RHD: variants seen among roughly 807,000 people sequenced by gnomAD.
The protein encoded by RHD is blood group Rh(D) polypeptide.
RHD carries 16 observed loss-of-function variants against 45.5 expected under a neutral mutation model. The ratio of observed to expected loss-of-function variants is 0.35; its 90% CI spans 0.24 to 0.53. The LOEUF (loss-of-function observed/expected upper bound fraction) is 0.53, where lower values mean the gene tolerates loss of function less well. Among genes scored for constraint, RHD ranks in the 20% least tolerant of loss-of-function variants. The probability of loss-of-function intolerance (pLI) is 0.92; values close to 1 mark genes in which losing one functional copy is unlikely to be tolerated. For missense variants in RHD, 306 were observed against 532.0 expected (o/e 0.58, Z 4.18); for synonymous variants, 131 against 217.5 (o/e 0.60, Z 3.50).
chr1:25,287,147 A>G (rs532072917), intron 2 of RHD, among the ~76,000 whole-genome samples: 1 of 135,380 alleles, frequency 7.4e-6, no homozygotes, highest in East Asian at 1.9e-4. Context: ...AGAATTCAAT[A>G]CACACACGCA....
chr1:25,315,477 A>C (rs1374481805), intron 7 of RHD, among the ~76,000 whole-genome samples: 2 of 124,592 alleles, frequency 1.6e-5, no homozygotes, highest in East Asian at 3.9e-4. Flanking sequence ...TTATCTTTTT[A>C]ATTTATTTTT....
intron 3 of RHD, among the ~76,000 whole-genome samples, chr1:25,299,086 A>AAC (rs1643174783): frequency 7.9e-6 from 1 of 126,418 alleles, no homozygotes. Context: ...AAAAAAAAAA[A>AAC]AAAAAAAAAA....
intron 1 of RHD, among the ~76,000 whole-genome samples, chr1:25,277,575 T>C (rs1259178595): frequency 2.3e-5 from 3 of 130,764 alleles, no homozygotes; most frequent in Non-Finnish European, 1.8e-5. Flanking sequence ...AACCTCTTTC[T>C]GCCTCTGTTT....
At chr1:25,286,892 A>T (rs2124630603) in intron 2 of RHD, among the ~76,000 whole-genome samples, 1 of 134,694 alleles carries the variant, frequency 7.4e-6, no homozygotes, top group East Asian at 1.9e-4. Flanking sequence ...CAGGAGTCCG[A>T]GACCAACCTG....
At chr1:25,281,140 C>G (rs1641458972) in intron 1 of RHD, among the ~76,000 whole-genome samples, 1 of 132,616 alleles carries the variant, frequency 7.5e-6, no homozygotes, top group African/African-American at 2.6e-5. Flanking sequence ...GAGCTAGAGA[C>G]AGCCTAGCCT....
chr1:25,307,709 T>C lies in RHD; in HGVS notation c.1073+980T>C, dbSNP rs1348184493. 2.3e-6 allele frequency: 3 copies of C among 1,308,580 alleles called. 1 individual carries two copies. The Admixed American group carries it at 6.3e-5, about 28-fold the overall frequency. The allele number at this position is 1,308,580 out of a possible 1,614,324, so 81.1% of individuals were successfully genotyped here. On this transcript the variant is annotated intron_variant, in intron 7 of 9. Coordinates refer to ENST00000328664, the MANE Select transcript of RHD (RefSeq NM_016124.6). ...GCAGGTGATGAGGAGCTGATGCGTT[T>C]GGACGTGTCTCAGAGAAATCATGGA... is the stretch of plus-strand genomic sequence containing the variant.
intron 7 of RHD, among the ~76,000 whole-genome samples, chr1:25,311,089 A>G (rs1238882820): frequency 7.5e-6 from 1 of 132,846 alleles, no homozygotes; most frequent in Non-Finnish European, 1.8e-5. Context: ...CTTAATGGTT[A>G]CTGAAGTCGT....
rs1274868595 is a variant in RHD, at chr1:25,310,790, G to A, written c.1073+4061G>A. Reference sequence around the variant, plus strand: ...AGTTCGAGACCAGCCTAGCTAACATGGTGAAACGCTGTTTCTACCAAAAAT... The same window carrying A: ...AGTTCGAGACCAGCCTAGCTAACATAGTGAAACGCTGTTTCTACCAAAAAT... On this transcript the variant is annotated intron_variant, in intron 7 of 9. Coordinates refer to ENST00000328664, the MANE Select transcript of RHD (RefSeq NM_016124.6). Among the ~76,000 whole-genome samples, 2 of 131,968 alleles carry A rather than the reference G, an allele frequency of 1.5e-5. 1 individual carries two copies. Among genetic ancestry groups the A allele is most frequent in the Non-Finnish European group, 3.6e-5 (2 of 55,626 alleles). The allele number at this position is 131,968 out of a possible 152,430, so 86.6% of individuals were successfully genotyped here. A position where few individuals can be genotyped will look rare whatever the true frequency, so the allele number is the denominator to read the frequency against.
In RHD at chr1:25,287,927, G is replaced by A. The variant is rs539482397; in HGVS notation, c.336-2714G>A. ...TAGTAGACAAGGGGTTTCACCAGGT[G>A]GGTCAGGTTGGTCTGGAACTCCCGA... On this transcript the variant is annotated intron_variant, in intron 2 of 9. Transcript: ENST00000328664. Among the ~76,000 whole-genome samples, 39 of 131,776 alleles carry A rather than the reference G, an allele frequency of 3.0e-4. 7 individuals carry two copies. The highest frequency in any genetic ancestry group is 9.6e-4 in the African/African-American group (37 of 38,726). 86.5% of individuals were successfully genotyped at this position (131,776 alleles called of 152,430 possible). A position where few individuals can be genotyped will look rare whatever the true frequency, so the allele number is the denominator to read the frequency against.
rs560741618 is a variant in RHD, at chr1:25,291,020, G to A, written c.486+229G>A. Among the ~76,000 whole-genome samples, 18 of 131,610 alleles carry A rather than the reference G, an allele frequency of 1.4e-4. 2 individuals are homozygous for A. In the South Asian group the frequency reaches 4.0e-3, roughly 29 times the overall value. The allele number at this position is 131,610 out of a possible 152,430, so 86.3% of individuals were successfully genotyped here. On this transcript the variant is annotated intron_variant, in intron 3 of 9. Coordinates refer to ENST00000328664, the MANE Select transcript of RHD (RefSeq NM_016124.6). ...CTAAATTATCCAGTTGTGGTGGCATGCACCTGTAGTCTCAGTTACTCAGGA... is the reference window on the plus strand; with the variant it reads ...CTAAATTATCCAGTTGTGGTGGCATACACCTGTAGTCTCAGTTACTCAGGA...
chr1:25,297,594 T>C lies in RHD; in HGVS notation c.487-3352T>C, dbSNP rs573559227. Among the ~76,000 whole-genome samples the C allele has an allele frequency of 6.1e-5, 8 of 131,732 alleles. 1 individual carries two copies. The highest frequency in any genetic ancestry group is 3.9e-4 in the East Asian group (2 of 5,132). The allele number at this position is 131,732 out of a possible 152,430, so 86.4% of individuals were successfully genotyped here. ...TCTTTCCTTCAGTAGTTGGCATTCT[T>C]CTGTAAGGAAAAGCTTTCGCTTCTC... is the stretch of plus-strand genomic sequence containing the variant. On this transcript the variant is annotated intron_variant, in intron 3 of 9. Coordinates refer to ENST00000328664, the MANE Select transcript of RHD (RefSeq NM_016124.6).
At chr1:25,309,779 T>C (rs1271103435) in intron 7 of RHD, among the ~76,000 whole-genome samples, 2 of 131,786 alleles carry the variant, frequency 1.5e-5, no homozygotes, top group African/African-American at 5.2e-5. Flanking sequence ...GGGACACTAA[T>C]AGCTCACTCA....
chr1:25,291,727 G>A (rs1163117461), intron 3 of RHD, among the ~76,000 whole-genome samples: 1 of 132,738 alleles, frequency 7.5e-6, no homozygotes, highest in African/African-American at 2.6e-5. Flanking sequence ...GTGCGTGTCA[G>A]TAACTGCATA....
intron 8 of RHD, among the ~76,000 whole-genome samples, chr1:25,317,645 A>C (rs1644484096): frequency 7.4e-5 from 1 of 13,454 alleles, no homozygotes; most frequent in South Asian, 1.6e-3. Context: ...GTGTTCTTTT[A>C]GGGGGGTGGT....
chr1:25,300,953 A>G lies in RHD; in HGVS notation c.494A>G (p.Tyr165Cys), dbSNP rs768146074. The change falls in exon 4 of 10, where the codon TAC becomes TGC. Residue 165 changes from tyrosine (Y) to cysteine (C), a missense_variant. By Grantham distance (194) the Tyr-to-Cys change is radical (BLOSUM62 -2). Transcript: ENST00000328664. Reference protein sequence around the residue: ...MVISNIFNTDYHMNMMHIYVF... With the variant: ...MVISNIFNTDCHMNMMHIYVF... ...TACTGGGTTTTATTGCAGACAGACT[A>G]CCACATGAACATGATGCACATCTAC... 8.7e-6 allele frequency: 12 copies of G among 1,378,298 alleles called. 4 individuals are homozygous for G. Among genetic ancestry groups the G allele is most frequent in the Non-Finnish European group, 1.2e-5 (12 of 978,428 alleles). 85.4% of individuals were successfully genotyped at this position (1,378,298 alleles called of 1,614,324 possible). A position where few individuals can be genotyped will look rare whatever the true frequency, so the allele number is the denominator to read the frequency against.
At chr1:25,280,605 CTTTTT>C (rs71014346) in intron 1 of RHD, among the ~76,000 whole-genome samples, 1 of 60,732 alleles carries the variant, frequency 1.6e-5, no homozygotes, top group Non-Finnish European at 4.1e-5. Context: ...TGTGCCTGGC[CTTTTT>C]TTTTTTTTTT....
chr1:25,311,324 C>A (rs187265888), intron 7 of RHD, among the ~76,000 whole-genome samples: 3 of 131,824 alleles, frequency 2.3e-5, no homozygotes, highest in East Asian at 2.0e-4. Context: ...CAGCTGAGAA[C>A]ACTGAGAGTG....
rs1372614946 is a variant in RHD, at chr1:25,302,016, C to G, written c.801+330C>G. On this transcript the variant is annotated intron_variant, in intron 5 of 9. Transcript: ENST00000328664. ...CGAGAGTCAGCAGCAACAGACTAGACTAGAATTAGCCAGCCTCTCTCTTCC... is the reference window on the plus strand; with the variant it reads ...CGAGAGTCAGCAGCAACAGACTAGAGTAGAATTAGCCAGCCTCTCTCTTCC... Among the ~76,000 whole-genome samples, 4 of 130,434 alleles carry G rather than the reference C, an allele frequency of 3.1e-5. 2 individuals carry two copies. Among genetic ancestry groups the G allele is most frequent in the Non-Finnish European group, 7.3e-5 (4 of 54,938 alleles). 85.6% of individuals were successfully genotyped at this position (130,434 alleles called of 152,430 possible).
intron 3 of RHD, among the ~76,000 whole-genome samples, chr1:25,299,028 G>A (rs1459871675): frequency 8.5e-6 from 1 of 117,324 alleles, no homozygotes; most frequent in Non-Finnish European, 2.0e-5. Flanking sequence ...TGCTGGGAGG[G>A]CTGTTTACCA....
Sources: allele counts gnomAD v4.1 joint callset (sites outside exome capture counted in the v4.1 genomes callset), GRCh38; gene constraint gnomAD v4.1.1; transcripts MANE v1.5; gene names NCBI Gene and HGNC (gene_info 2026-07-23, HGNC 2026-07-21).